Variants in LATS2 observed in about 807,000 individuals in gnomAD.
LATS2 encodes the protein serine/threonine-protein kinase LATS2.
A neutral mutation model predicts 76.0 loss-of-function variants in LATS2; 24 were observed. The ratio of observed to expected loss-of-function variants is 0.32; its 90% CI spans 0.23 to 0.44. The LOEUF is 0.44. LATS2 is among the 20% of genes least tolerant of loss of function. The pLI is 1.00. For missense variants in LATS2, 1,286 were observed against 1,481.2 expected (o/e 0.87, Z 2.16); for synonymous variants, 692 against 635.4 (o/e 1.09, Z -1.34).
At chr13:21,006,311 C>T (rs1479640875) in intron 2 of LATS2, among the ~76,000 whole-genome samples, 1 of 152,102 alleles carries the variant, frequency 6.6e-6, no homozygotes, top group Non-Finnish European at 1.5e-5. Context: ...GCCCAAGACA[C>T]ACATGCAGCT....
At chr13:21,043,518 A>G (rs1336946319) in intron 2 of LATS2, among the ~76,000 whole-genome samples, 1 of 152,184 alleles carries the variant, frequency 6.6e-6, no homozygotes, top group African/African-American at 2.4e-5. Flanking sequence ...TGTGAGTTGG[A>G]GGGGAAAGGT....
At chr13:20,997,445 G>T (rs1870805297) in intron 2 of LATS2, among the ~76,000 whole-genome samples, 1 of 152,218 alleles carries the variant, frequency 6.6e-6, no homozygotes, top group Non-Finnish European at 1.5e-5. Flanking sequence ...TGAGGGGTGG[G>T]ACACCTGCCA....
At chr13:20,982,992 CAAAAAAAAAAA>C (rs67372854) in intron 5 of LATS2, among the ~76,000 whole-genome samples, 1 of 87,206 alleles carries the variant, frequency 1.1e-5, no homozygotes, top group Non-Finnish European at 2.1e-5. Context: ...AACTCTGTCT[CAAAAAAAAAAA>C]AAAAAAAAAG....
At chr13:21,007,834 A>C (rs1235423307) in intron 2 of LATS2, among the ~76,000 whole-genome samples, 1 of 120,946 alleles carries the variant, frequency 8.3e-6, no homozygotes, top group African/African-American at 3.2e-5. Context: ...ATCTTGGCTC[A>C]CTGCAGCCTC....
chr13:20,999,544 T>A (rs78812471), intron 2 of LATS2, among the ~76,000 whole-genome samples: 1 of 152,048 alleles, frequency 6.6e-6, no homozygotes. Flanking sequence ...TCAGGGCTCA[T>A]TGCAGCCTGG....
intron 2 of LATS2, among the ~76,000 whole-genome samples, chr13:21,014,719 T>C (rs971713039): frequency 3.9e-5 from 6 of 152,140 alleles, no homozygotes; most frequent in African/African-American, 1.4e-4. Flanking sequence ...GCAACAAAAA[T>C]AAACATCACA....
At chr13:21,036,890 A>T (rs1052233510) in intron 2 of LATS2, among the ~76,000 whole-genome samples, 2 of 152,250 alleles carry the variant, frequency 1.3e-5, no homozygotes, top group Admixed American at 6.5e-5. Context: ...GGTTGGAAGT[A>T]TAAATTCAAT....
intron 2 of LATS2, among the ~76,000 whole-genome samples, chr13:21,030,687 G>A (rs1595246563): frequency 1.3e-5 from 2 of 149,786 alleles, no homozygotes; most frequent in African/African-American, 4.9e-5. Context: ...TTGTATATCA[G>A]ATCTATAGGT....
At chr13:21,028,689 A>G (rs1263419363) in intron 2 of LATS2, among the ~76,000 whole-genome samples, 3 of 151,940 alleles carry the variant, frequency 2.0e-5, no homozygotes, top group African/African-American at 7.3e-5. Flanking sequence ...TCCTGCCTCA[A>G]CCTCCCAATT....
chr13:21,007,555 A>ATATATATATATATATATAG (rs1871317964), intron 2 of LATS2, among the ~76,000 whole-genome samples: 1 of 13,894 alleles, frequency 7.2e-5, no homozygotes, highest in Non-Finnish European at 9.7e-5. Context: ...GTATATATAT[A>ATATATATATATATATATAG]TATATATATA....
In LATS2 at chr13:21,018,316, G is replaced by A. The variant is rs367611609; in HGVS notation, c.343-26912C>T. 1.5e-3 allele frequency among the ~76,000 whole-genome samples: 233 copies of A among 152,350 alleles called. 1 individual carries two copies. The highest frequency in any genetic ancestry group is 5.0e-3 in the African/African-American group (207 of 41,592). On this transcript the variant is annotated intron_variant, in intron 2 of 7. Transcript: ENST00000382592. Reference sequence around the variant, plus strand: ...CTACCCTACACAGGACATTTGTGACGTGGGTGTTGGGCGAGGTATGTGGCA... The same window carrying A: ...CTACCCTACACAGGACATTTGTGACATGGGTGTTGGGCGAGGTATGTGGCA...
At chr13:21,009,192 T>TG (rs1871475540) in intron 2 of LATS2, among the ~76,000 whole-genome samples, 1 of 152,140 alleles carries the variant, frequency 6.6e-6, no homozygotes, top group East Asian at 1.9e-4. Flanking sequence ...AATGAATGAA[T>TG]AAAGAAGCAG....
At chr13:21,013,786 C>A (rs562519546) in intron 2 of LATS2, among the ~76,000 whole-genome samples, 1 of 152,030 alleles carries the variant, frequency 6.6e-6, no homozygotes, top group Non-Finnish European at 1.5e-5. Context: ...GGCAACACAG[C>A]AAGACCCCGT....
intron 2 of LATS2, among the ~76,000 whole-genome samples, chr13:20,996,042 A>G (rs1199736): frequency 0.94 from 143,316 of 152,206 alleles, 68,072 homozygotes; most frequent in East Asian, 1. Flanking sequence ...TCTCATAGAA[A>G]AAGGATGCTA....
At chr13:20,984,758 A>C (rs1403997035) in intron 4 of LATS2, among the ~76,000 whole-genome samples, 1 of 152,232 alleles carries the variant, frequency 6.6e-6, no homozygotes, top group Non-Finnish European at 1.5e-5. Context: ...ACCCAAATCA[A>C]TCTACCAATT....
In LATS2 at chr13:21,045,980, C is replaced by T. The variant is rs1285144450; in HGVS notation, c.47G>A (p.Arg16Gln). The T allele has an allele frequency of 3.7e-6, 6 of 1,613,922 alleles. No homozygotes were observed. Among genetic ancestry groups the T allele is most frequent in the Admixed American group, 3.3e-5 (2 of 59,984 alleles). ...FPATTYSGNS[R>Q]QRLQEIREGL... The stretch of plus-strand genomic sequence containing the variant: ...CTCACGAATCTCTTGCAGTCGCTGC[C>T]GGCTATTTCCAGAATAAGTCGTGGC... The change falls in exon 2 of 8, where the codon CGG becomes CAG. Residue 16 changes from arginine to glutamine, a missense_variant. This residue lies in a region of LATS2 where 101 missense variants were observed against 141.4 expected (regional missense o/e 0.71). Coordinates refer to ENST00000382592, the MANE Select transcript of LATS2 (RefSeq NM_014572.3).
chr13:21,000,489 G>T (rs614674), intron 2 of LATS2, among the ~76,000 whole-genome samples: 10 of 151,520 alleles, frequency 6.6e-5, no homozygotes, highest in Admixed American at 1.3e-4. Context: ...AAGTTATTAA[G>T]TTTTTTTTAT....
chr13:21,051,915 C>A (rs758556640), intron 1 of LATS2, among the ~76,000 whole-genome samples: 7 of 152,160 alleles, frequency 4.6e-5, no homozygotes, highest in Non-Finnish European at 8.8e-5. Context: ...CAAGGTCACA[C>A]TACTGCACTC....
chr13:21,039,905 C>G (rs1239539471), intron 2 of LATS2, among the ~76,000 whole-genome samples: 1 of 152,106 alleles, frequency 6.6e-6, no homozygotes, highest in African/African-American at 2.4e-5. Flanking sequence ...GAAATCCCAT[C>G]TCTACTAAAA....
Sources: gnomAD v4.1 joint callset for allele counts (sites outside exome capture counted in the v4.1 genomes callset) on GRCh38, gnomAD v4.1.1 for gene constraint, gnomAD v4.1.1 regional missense constraint, MANE v1.5 for transcripts, NCBI Gene and HGNC (gene_info 2026-07-23, HGNC 2026-07-21) for gene names.